Variants in CUX2 observed in about 807,000 individuals in gnomAD.
CUX2 encodes homeobox protein cut-like 2.
Under a neutral mutation model 144.8 loss-of-function variants are expected in CUX2, and 40 were observed. That is an observed-to-expected ratio of 0.28 (90% CI 0.21 to 0.36). The LOEUF is 0.36. CUX2 is among the 10% of genes least tolerant of loss of function. The probability of loss-of-function intolerance (pLI) is 1.00; values close to 1 mark genes in which losing one functional copy is unlikely to be tolerated. For missense variants in CUX2, 1,615 were observed against 1,994.0 expected, an observed-to-expected ratio of 0.81 and a Z score of 3.62; for synonymous variants, 827 against 875.6, an observed-to-expected ratio of 0.94 and a Z score of 0.98.
chr12:111,215,132 G>C (rs73415977), intron 2 of CUX2, among the ~76,000 whole-genome samples: 2,026 of 152,302 alleles, frequency 0.013, 48 homozygotes, highest in African/African-American at 0.046. Flanking sequence ...GTTTCATTCT[G>C]GTCGGCAGAA....
chr12:111,280,289 A>G (rs1885063366), intron 4 of CUX2, among the ~76,000 whole-genome samples: 1 of 152,134 alleles, frequency 6.6e-6, no homozygotes, highest in Admixed American at 6.5e-5. Context: ...ACTCTGTCTC[A>G]AATAAATAAA....
Position 111,307,234 on chromosome 12 carries a change from T to C in CUX2, c.1086T>C (p.Tyr362=), listed in dbSNP as rs1464722811. 2 of 1,614,004 alleles carry C rather than the reference T, an allele frequency of 1.2e-6. No homozygotes were observed. The highest frequency in any genetic ancestry group is 1.6e-4 in the Middle Eastern group (1 of 6,084). Residue 362 remains tyrosine, a synonymous_variant, in exon 12 of 22, where the codon TAT becomes TAC. Transcript: ENST00000261726. The surrounding 1 kb of genome is among the most constrained non-coding windows in gnomAD (Gnocchi z 4.1). ...AGAAGCTCCAGGCCCAGTCTGACTA[T>C]GAGGAAATTAAAACGGAGCTGAGGT... ...LEEKLQAQSD[Y]EEIKTELSIL...
chr12:111,349,625 G>A lies in CUX2; in HGVS notation c.*1300G>A, dbSNP rs1888970508. 6.6e-6 allele frequency: 1 copy of A among 152,168 alleles called. No individual in the cohort carries two copies. Among genetic ancestry groups the A allele is most frequent in the Admixed American group, 6.6e-5 (1 of 15,262 alleles). 9.4% of individuals were successfully genotyped at this position (152,168 alleles called of 1,614,324 possible). On this transcript the variant is annotated 3_prime_UTR_variant, in exon 22 of 22. Coordinates refer to ENST00000261726, the MANE Select transcript of CUX2 (RefSeq NM_015267.4). ...CCTCCTACCTTCCAACGCATGACCT[G>A]TTGGGGAGCAGAGACTTAACCCCCA...
In CUX2 at chr12:111,266,927, G is replaced by A. The variant is rs556915247; in HGVS notation, c.301+3088G>A. Among the ~76,000 whole-genome samples the A allele has an allele frequency of 3.3e-4, 51 of 152,298 alleles. No individual in the cohort carries two copies. In the South Asian group the frequency reaches 0.01, roughly 31 times the overall value. On this transcript the variant is annotated intron_variant, in intron 4 of 21. Transcript: ENST00000261726. The stretch of plus-strand genomic sequence containing the variant: ...ATGCAGAGGCTCAGCCGCAGGTGGC[G>A]GCTCATGCCTGTAATGCCAGCACTT...
At chr12:111,174,667 C>T (rs965488781) in intron 1 of CUX2, among the ~76,000 whole-genome samples, 1 of 152,238 alleles carries the variant, frequency 6.6e-6, no homozygotes, top group Non-Finnish European at 1.5e-5. Flanking sequence ...TACTCCCAAG[C>T]TCCCCAAGGT....
At chr12:111,112,954 A>G (rs1874064789) in intron 1 of CUX2, among the ~76,000 whole-genome samples, 1 of 152,242 alleles carries the variant, frequency 6.6e-6, no homozygotes, top group Non-Finnish European at 1.5e-5. Flanking sequence ...CACTTTGGAC[A>G]GAAAGTGACG....
In CUX2 at chr12:111,068,999, G is replaced by A. The variant is rs1019771636; in HGVS notation, c.63+34759G>A. Reference sequence around the variant, plus strand: ...CCTGTACCTGTAATCTCAGCTACTCGGGAGGCTGAGGCAGGAGAATTGCTT... The same window carrying A: ...CCTGTACCTGTAATCTCAGCTACTCAGGAGGCTGAGGCAGGAGAATTGCTT... On this transcript the variant is annotated intron_variant, in intron 1 of 21. Coordinates refer to ENST00000261726, the MANE Select transcript of CUX2 (RefSeq NM_015267.4). The surrounding 1 kb of genome is among the most constrained non-coding windows in gnomAD (Gnocchi z 4.9). Among the ~76,000 whole-genome samples, 5 of 152,104 alleles carry A rather than the reference G, an allele frequency of 3.3e-5. No individual in the cohort carries two copies. The highest frequency in any genetic ancestry group is 1.2e-4 in the African/African-American group (5 of 41,412).
At chr12:111,268,541 G>A (rs958219187) in intron 4 of CUX2, among the ~76,000 whole-genome samples, 4 of 152,230 alleles carry the variant, frequency 2.6e-5, no homozygotes, top group Admixed American at 1.3e-4. Context: ...GTCCAGCCAC[G>A]TGAGTTTTCC....
At chr12:111,083,149 T>C (rs1008222980) in intron 1 of CUX2, among the ~76,000 whole-genome samples, 19 of 152,142 alleles carry the variant, frequency 1.2e-4, no homozygotes, top group Admixed American at 7.9e-4. Context: ...TGACTGTCCA[T>C]TGGGGGTCAC....
chr12:111,206,808 G>A (rs1019695929), intron 1 of CUX2, among the ~76,000 whole-genome samples: 1 of 152,218 alleles, frequency 6.6e-6, no homozygotes, highest in African/African-American at 2.4e-5. Context: ...TTTTCTAGAT[G>A]ATCAACTGTT....
chr12:111,206,276 G>A (rs1880914741), intron 1 of CUX2, among the ~76,000 whole-genome samples: 1 of 152,210 alleles, frequency 6.6e-6, no homozygotes, highest in South Asian at 2.1e-4. Flanking sequence ...AAGCTGCAGT[G>A]AGCCAGGATT....
intron 1 of CUX2, among the ~76,000 whole-genome samples, chr12:111,159,024 G>C (rs1877572025): frequency 6.6e-6 from 1 of 152,316 alleles, no homozygotes; most frequent in African/African-American, 2.4e-5. Context: ...GGCCTGGGAA[G>C]GGGCTGTGTG....
At chr12:111,206,006 G>C (rs545745589) in intron 1 of CUX2, among the ~76,000 whole-genome samples, 1 of 152,336 alleles carries the variant, frequency 6.6e-6, no homozygotes, top group African/African-American at 2.4e-5. Context: ...ATTTGGTAGT[G>C]ATACATGTTA....
intron 3 of CUX2, among the ~76,000 whole-genome samples, chr12:111,261,524 G>A (rs762937979): frequency 1.2e-4 from 18 of 152,098 alleles, no homozygotes; most frequent in African/African-American, 3.1e-4. Context: ...CAGTGGTTAC[G>A]CTTCCTACTG....
intron 1 of CUX2, among the ~76,000 whole-genome samples, chr12:111,109,284 A>G (rs1387294486): frequency 6.6e-6 from 1 of 152,222 alleles, no homozygotes; most frequent in African/African-American, 2.4e-5. Flanking sequence ...GGGAAGATAG[A>G]TGCTTAAATC....
At chr12:111,058,191 G>A (rs894677249) in intron 1 of CUX2, among the ~76,000 whole-genome samples, 1 of 152,122 alleles carries the variant, frequency 6.6e-6, no homozygotes, top group African/African-American at 2.4e-5. Context: ...AATGAATTTT[G>A]CAAATTTTTC....
Position 111,307,146 on chromosome 12 carries a change from G to T in CUX2, c.1050+34G>T. On this transcript the variant is annotated intron_variant, in intron 11 of 21. Transcript: ENST00000261726. The surrounding 1 kb of genome is among the most constrained non-coding windows in gnomAD (Gnocchi z 4.1). The stretch of plus-strand genomic sequence containing the variant: ...TGGGGAGGAGGCAGGCGGGCAGGCG[G>T]CCCCATGCAGAAGCACACAGACCAG... 1.2e-6 allele frequency: 2 copies of T among 1,613,642 alleles called. No homozygotes were observed. Among genetic ancestry groups the T allele is most frequent in the Non-Finnish European group, 1.7e-6 (2 of 1,179,714 alleles).
At chr12:111,063,019 C>T (rs904507033) in intron 1 of CUX2, among the ~76,000 whole-genome samples, 5 of 151,778 alleles carry the variant, frequency 3.3e-5, no homozygotes, top group Admixed American at 6.6e-5. Context: ...TGGGAGGGGA[C>T]GAAAGAGGAG....
chr12:111,260,622 G>A (rs1042568831), intron 3 of CUX2, among the ~76,000 whole-genome samples: 1 of 152,134 alleles, frequency 6.6e-6, no homozygotes, highest in Non-Finnish European at 1.5e-5. Flanking sequence ...GAACAGCTCC[G>A]CTCCAGTGGG....
Sources: allele counts gnomAD v4.1 joint callset (sites outside exome capture counted in the v4.1 genomes callset), GRCh38; gene constraint gnomAD v4.1.1; non-coding constraint Gnocchi (gnomAD v3.1); transcripts MANE v1.5; gene names NCBI Gene and HGNC (gene_info 2026-07-23, HGNC 2026-07-21).